The following NELL1 variants were observed in gnomAD, a reference collection of about 807,000 sequenced individuals.
NELL1 encodes protein kinase C-binding protein NELL1.
A neutral mutation model predicts 107.4 loss-of-function variants in NELL1; 76 were observed. That is an observed-to-expected ratio of 0.71 (90% CI 0.59 to 0.86). The LOEUF is 0.86. Among genes scored for constraint, NELL1 ranks in the 40% least tolerant of loss-of-function variants. The pLI is 0.00. For missense variants in NELL1, 1,024 were observed against 1,005.5 expected (o/e 1.02, Z -0.25); for synonymous variants, 353 against 341.2 (o/e 1.03, Z -0.38).
At chr11:20,879,658 C>T (rs896899127) in intron 4 of NELL1, among the ~76,000 whole-genome samples, 1 of 152,090 alleles carries the variant, frequency 6.6e-6, no homozygotes, top group Non-Finnish European at 1.5e-5. Context: ...AATGTTTCTT[C>T]CATCTCTTCC....
chr11:21,038,826 G>A (rs1853158067), intron 12 of NELL1, among the ~76,000 whole-genome samples: 2 of 152,218 alleles, frequency 1.3e-5, no homozygotes, highest in Admixed American at 1.3e-4. Context: ...GCTCTAGACT[G>A]TAAATCAACT....
chr11:20,757,455 T>G (rs912211286), intron 2 of NELL1, among the ~76,000 whole-genome samples: 4 of 152,212 alleles, frequency 2.6e-5, no homozygotes, highest in Non-Finnish European at 4.4e-5. Flanking sequence ...ATTAGCCAGC[T>G]TTAGCTGGAC....
At chr11:21,405,577 T>C (rs907658185) in intron 15 of NELL1, among the ~76,000 whole-genome samples, 19 of 151,980 alleles carry the variant, frequency 1.3e-4, no homozygotes, top group African/African-American at 4.6e-4. Context: ...TCTTGTACTA[T>C]TTCCTTCTGT....
At chr11:21,574,924 T>A in intron 19 of NELL1, 48 bp from the exon 20 acceptor site, 1 of 1,545,452 alleles carries the variant, frequency 6.5e-7, no homozygotes, top group Non-Finnish European at 8.9e-7. Flanking sequence ...GACTGCTAAT[T>A]TATATTCCAT....
chr11:20,698,678 G>A (rs996371716), intron 2 of NELL1, among the ~76,000 whole-genome samples: 7 of 152,138 alleles, frequency 4.6e-5, no homozygotes, highest in African/African-American at 1.7e-4. Flanking sequence ...TGGGGAACAG[G>A]TGGTTTTTGG....
intron 14 of NELL1, among the ~76,000 whole-genome samples, chr11:21,309,288 A>ATATATATATATATATATATGTG (rs1849689540): frequency 8.5e-6 from 1 of 117,338 alleles, no homozygotes; most frequent in African/African-American, 3.5e-5. Flanking sequence ...ATGTATATAT[A>ATATATATATATATATATATGTG]TATATATATA....
Position 21,370,831 on chromosome 11 carries a change from ATACT to A in NELL1, c.1550-20_1550-17del. ...ATCTATTGCATTTTATCTAAGATAA[ATACT>A]TTGTTCTCTTGCAACAGCTTTCTGT... On this transcript the variant is annotated intron_variant, in intron 14 of 19. Coordinates refer to ENST00000357134, the MANE Select transcript of NELL1 (RefSeq NM_006157.5). 1 of 1,594,264 alleles carries A rather than the reference ATACT, an allele frequency of 6.3e-7. No homozygotes were observed. The highest frequency in any genetic ancestry group is 1.1e-5 in the South Asian group (1 of 88,862).
chr11:20,717,655 A>G (rs1221081058), intron 2 of NELL1, among the ~76,000 whole-genome samples: 8 of 152,114 alleles, frequency 5.3e-5, no homozygotes, highest in African/African-American at 1.9e-4. Flanking sequence ...TTTTTAACTT[A>G]AATGTTACTT....
At chr11:21,039,977 C>T (rs76660616) in intron 12 of NELL1, among the ~76,000 whole-genome samples, 4,651 of 151,820 alleles carry the variant, frequency 0.031, 162 homozygotes, top group East Asian at 0.18. Flanking sequence ...ACTTTTTTAC[C>T]AATACAAAAG....
intron 4 of NELL1, among the ~76,000 whole-genome samples, chr11:20,878,707 T>G (rs1238119100): frequency 6.6e-6 from 1 of 152,210 alleles, no homozygotes; most frequent in Non-Finnish European, 1.5e-5. Flanking sequence ...TCAGTCAGGA[T>G]TATTAATTTT....
intron 14 of NELL1, among the ~76,000 whole-genome samples, chr11:21,309,284 A>ATATATG (rs1356562552): frequency 8.0e-5 from 5 of 62,782 alleles, no homozygotes; most frequent in African/African-American, 4.9e-4. Flanking sequence ...ATATATGTAT[A>ATATATG]TATATATATA....
rs73464403 is a variant in NELL1, at chr11:21,121,019, G to A, written c.1426+7305G>A. The stretch of plus-strand genomic sequence containing the variant: ...CAGAGATTCCCAATTCTCACCTCAG[G>A]GTTGAATCACTTGGAATCTGGGATC... On this transcript the variant is annotated intron_variant, in intron 13 of 19. Transcript: ENST00000357134. Among the ~76,000 whole-genome samples, 32 of 152,184 alleles carry A rather than the reference G, an allele frequency of 2.1e-4. No individual in the cohort carries two copies. The South Asian group carries it at 6.4e-3, about 31-fold the overall frequency.
intron 2 of NELL1, among the ~76,000 whole-genome samples, chr11:20,690,957 A>C (rs1169349478): frequency 2.6e-5 from 4 of 151,984 alleles, no homozygotes; most frequent in East Asian, 3.9e-4. Flanking sequence ...CTTTTGTTTC[A>C]TTGAGCAGTG....
intron 4 of NELL1, among the ~76,000 whole-genome samples, chr11:20,868,898 A>G (rs796454548): frequency 2.0e-5 from 3 of 152,212 alleles, no homozygotes; most frequent in African/African-American, 7.2e-5. Context: ...AATGTACAAA[A>G]CAAGGCAAAA....
chr11:21,313,776 A>G (rs1196353507), intron 14 of NELL1, among the ~76,000 whole-genome samples: 1 of 152,120 alleles, frequency 6.6e-6, no homozygotes, highest in Non-Finnish European at 1.5e-5. Context: ...GTGATAACCC[A>G]TTAATCCATT....
chr11:20,879,128 G>A (rs1849360720), intron 4 of NELL1, among the ~76,000 whole-genome samples: 1 of 152,048 alleles, frequency 6.6e-6, no homozygotes, highest in African/African-American at 2.4e-5. Context: ...TGGATATGAT[G>A]GGCCCAAGGG....
At chr11:20,901,502 G>A (rs1053946917) in intron 5 of NELL1, among the ~76,000 whole-genome samples, 4 of 151,596 alleles carry the variant, frequency 2.6e-5, no homozygotes, top group East Asian at 1.9e-4. Context: ...TAATAAAAAC[G>A]TCTGCTTCTT....
intron 14 of NELL1, among the ~76,000 whole-genome samples, chr11:21,287,242 C>G (rs1849144290): frequency 6.6e-6 from 1 of 151,640 alleles, no homozygotes; most frequent in South Asian, 2.1e-4. Flanking sequence ...TTTTTTTCAC[C>G]AACACCTTCT....
In NELL1 at chr11:21,389,938, G is replaced by A. The variant is rs1022336935; in HGVS notation, c.1645+18990G>A. ...CTATATACCTATATATCTAGGAATAGAATTGCTGGGCATGCTTAGGTGTAG... is the reference window on the plus strand; with the variant it reads ...CTATATACCTATATATCTAGGAATAAAATTGCTGGGCATGCTTAGGTGTAG... On this transcript the variant is annotated intron_variant, in intron 15 of 19. Transcript: ENST00000357134. Among the ~76,000 whole-genome samples, 2 of 151,732 alleles carry A rather than the reference G, an allele frequency of 1.3e-5. 1 individual carries two copies. Among genetic ancestry groups the A allele is most frequent in the South Asian group, 4.1e-4 (2 of 4,820 alleles).
Sources: allele counts gnomAD v4.1 joint callset (sites outside exome capture counted in the v4.1 genomes callset), GRCh38; gene constraint gnomAD v4.1.1; transcripts MANE v1.5; gene names NCBI Gene and HGNC (gene_info 2026-07-23, HGNC 2026-07-21).